Variants in FAM184B observed in about 807,000 individuals in gnomAD.
FAM184B encodes the protein family with sequence similarity 184 member B, also known as protein FAM184B.
In FAM184B, 111 loss-of-function variants were observed where a neutral mutation model predicts 135.9. That is an observed-to-expected ratio of 0.82 (90% CI 0.70 to 0.96). The LOEUF is 0.96. Among genes scored for constraint, FAM184B ranks in the 40% least tolerant of loss-of-function variants. The probability of loss-of-function intolerance (pLI) is 0.00; values close to 1 mark genes in which losing one functional copy is unlikely to be tolerated. For synonymous variants in FAM184B, 552 were observed against 524.8 expected (o/e 1.05, Z -0.71); for missense variants, 1,375 against 1,323.9 (o/e 1.04, Z -0.60).
rs551360773 is a variant in FAM184B, at chr4:17,733,138, C to A, written c.142-23494G>T. Among the ~76,000 whole-genome samples, 5 of 151,536 alleles carry A rather than the reference C, an allele frequency of 3.3e-5. No individual in the cohort carries two copies. The East Asian group carries it at 9.7e-4, about 29-fold the overall frequency. ...AAGGCCTTTGACAAAATTCAACAAC[C>A]CTTCATGCTAAAAACTCTCAATAAA... On this transcript the variant is annotated intron_variant, in intron 1 of 17. Transcript: ENST00000265018.
Position 17,639,031 on chromosome 4 carries a change from G to A in FAM184B, c.2666+219C>T, listed in dbSNP as rs4698640. ...GTATTTTCAGTAGAGATGGGGTTTC[G>A]CCATGTTGGCCAGGCTGGTCTCCAT... On this transcript the variant is annotated intron_variant, in intron 14 of 17. Coordinates refer to ENST00000265018, the MANE Select transcript of FAM184B (RefSeq NM_015688.2). 0.51 allele frequency among the ~76,000 whole-genome samples: 77,725 copies of A among 151,886 alleles called. 22,952 individuals are homozygous for A. The highest frequency in any genetic ancestry group is 0.88 in the East Asian group (4,532 of 5,152).
chr4:17,729,606 A>G lies in FAM184B; in HGVS notation c.142-19962T>C, dbSNP rs556474808. On this transcript the variant is annotated intron_variant, in intron 1 of 17. Transcript: ENST00000265018. ...GCGGTTCACCAAGATCTGCTGTTCTACAGCCACCGCTGTTCTGCAGCCACT... is the reference window on the plus strand; with the variant it reads ...GCGGTTCACCAAGATCTGCTGTTCTGCAGCCACCGCTGTTCTGCAGCCACT... Among the ~76,000 whole-genome samples the G allele has an allele frequency of 2.4e-3, 371 of 152,328 alleles. 6 individuals carry two copies. The highest frequency in any genetic ancestry group is 1.9e-3 in the East Asian group (10 of 5,184).
intron 11 of FAM184B, among the ~76,000 whole-genome samples, chr4:17,648,791 T>C (rs1440127986): frequency 6.6e-6 from 1 of 152,148 alleles, no homozygotes. Context: ...GAGAGATGTG[T>C]ACGTTCTCTT....
At chr4:17,776,051 A>G (rs1718919265) in intron 1 of FAM184B, among the ~76,000 whole-genome samples, 1 of 152,162 alleles carries the variant, frequency 6.6e-6, no homozygotes, top group Non-Finnish European at 1.5e-5. Flanking sequence ...ATAGTAAACA[A>G]ATAAATAAGG....
At chr4:17,727,476 T>C (rs1208171395) in intron 1 of FAM184B, among the ~76,000 whole-genome samples, 1 of 152,216 alleles carries the variant, frequency 6.6e-6, no homozygotes, top group Non-Finnish European at 1.5e-5. Flanking sequence ...GACTGGGTAA[T>C]TTATAAACAA....
intron 1 of FAM184B, among the ~76,000 whole-genome samples, chr4:17,728,693 G>A (rs1016978680): frequency 3.3e-5 from 5 of 152,124 alleles, no homozygotes; most frequent in Non-Finnish European, 7.3e-5. Flanking sequence ...CTCAGAGGTG[G>A]TATTTCAGCA....
chr4:17,724,823 T>A (rs1372142508), intron 1 of FAM184B, among the ~76,000 whole-genome samples: 2 of 152,212 alleles, frequency 1.3e-5, no homozygotes, highest in Non-Finnish European at 1.5e-5. Flanking sequence ...CTGTCCTGCC[T>A]AAATATTTCT....
At chr4:17,746,455 G>T (rs919059398) in intron 1 of FAM184B, among the ~76,000 whole-genome samples, 2 of 152,008 alleles carry the variant, frequency 1.3e-5, no homozygotes, top group Non-Finnish European at 2.9e-5. Flanking sequence ...CTTTGGCAGG[G>T]CGCGGTGGCT....
intron 1 of FAM184B, among the ~76,000 whole-genome samples, chr4:17,716,379 A>G (rs1218622180): frequency 6.6e-6 from 1 of 151,942 alleles, no homozygotes; most frequent in East Asian, 1.9e-4. Flanking sequence ...CAGGGTCTCT[A>G]TGTCCCAGGC....
At chr4:17,637,609 G>A (rs1388302205) in intron 14 of FAM184B, among the ~76,000 whole-genome samples, 3 of 152,216 alleles carry the variant, frequency 2.0e-5, no homozygotes, top group Non-Finnish European at 2.9e-5. Flanking sequence ...GTAAGTGCCC[G>A]TTAGACTGTA....
Position 17,781,419 on chromosome 4 carries a change from C to T in FAM184B, c.-120G>A, listed in dbSNP as rs1286735519. ...CTCGGGAGAGGTGGCACTGCAGTCC[C>T]GTCGCCTGCACCGCCGCGTGGCCCC... On this transcript the variant is annotated 5_prime_UTR_variant, in exon 1 of 18. Coordinates refer to ENST00000265018, the MANE Select transcript of FAM184B (RefSeq NM_015688.2). The surrounding 1 kb of genome is among the most constrained non-coding windows in gnomAD (Gnocchi z 6.5). The T allele has an allele frequency of 1.1e-5, 13 of 1,236,308 alleles. No homozygotes were observed. Among genetic ancestry groups the T allele is most frequent in the Non-Finnish European group, 1.4e-5 (13 of 948,122 alleles). 76.6% of individuals were successfully genotyped at this position (1,236,308 alleles called of 1,614,324 possible). A position where few individuals can be genotyped will look rare whatever the true frequency, so the allele number is the denominator to read the frequency against.
At position 17,705,126 on chromosome 4, in the gene FAM184B, T is replaced by C; in HGVS notation, c.1251A>G (p.Thr417=). The change falls in exon 5 of 18, where the codon ACA becomes ACG. Residue 417 remains threonine (T), a synonymous_variant. Coordinates refer to ENST00000265018, the MANE Select transcript of FAM184B (RefSeq NM_015688.2). The part of the protein sequence containing the change: ...EEDLRKIKHQ[T]EEEKKHLKDQ... ...CTTTGAGATGTTTCTTCTCCTCTTCTGTCTGATGTTTGATTTTACGAAGGT... is the reference window on the plus strand; with the variant it reads ...CTTTGAGATGTTTCTTCTCCTCTTCCGTCTGATGTTTGATTTTACGAAGGT... 4 of 1,551,822 alleles carry C rather than the reference T, an allele frequency of 2.6e-6. No homozygotes were observed. Among genetic ancestry groups the C allele is most frequent in the Non-Finnish European group, 3.5e-6 (4 of 1,147,006 alleles).
intron 3 of FAM184B, 118 bp from the exon 4 acceptor site, chr4:17,706,009 G>A: frequency 7.6e-7 from 1 of 1,314,776 alleles, no homozygotes; most frequent in South Asian, 1.4e-5. Flanking sequence ...CATCCCCTGT[G>A]TAATTCCTGC....
chr4:17,742,195 A>G lies in FAM184B; in HGVS notation c.142-32551T>C, dbSNP rs144793402. On this transcript the variant is annotated intron_variant, in intron 1 of 17. Coordinates refer to ENST00000265018, the MANE Select transcript of FAM184B (RefSeq NM_015688.2). Reference sequence around the variant, plus strand: ...TTTTTTTTTTTAAAGAGGCTGGCCAAGGTGGTTCATGTCTGTAATCGCAGC... The same window carrying G: ...TTTTTTTTTTTAAAGAGGCTGGCCAGGGTGGTTCATGTCTGTAATCGCAGC... Among the ~76,000 whole-genome samples the G allele has an allele frequency of 5.2e-3, 760 of 147,298 alleles. 10 individuals carry two copies. Among genetic ancestry groups the G allele is most frequent in the African/African-American group, 0.018 (719 of 39,818 alleles).
At position 17,709,579 on chromosome 4, in the gene FAM184B, C is replaced by G. The variant is rs1011369904; in HGVS notation, c.207G>C (p.Ala69=). The G allele has an allele frequency of 1.3e-5, 20 of 1,547,938 alleles. No individual in the cohort carries two copies. Among genetic ancestry groups the G allele is most frequent in the Non-Finnish European group, 1.7e-5 (20 of 1,146,092 alleles). ...AEASMEALRE[A]HQEELQNAVA... The stretch of plus-strand genomic sequence containing the variant: ...CCGCATTCTGGAGCTCCTCCTGGTG[C>G]GCTTCCCGCAGCGCCTCCATGCTGG... Residue 69 remains alanine, a synonymous_variant, in exon 2 of 18, where the codon GCG becomes GCC. Coordinates refer to ENST00000265018, the MANE Select transcript of FAM184B (RefSeq NM_015688.2).
intron 5 of FAM184B, among the ~76,000 whole-genome samples, chr4:17,703,370 C>T (rs1011846241): frequency 5.9e-5 from 9 of 151,936 alleles, no homozygotes; most frequent in East Asian, 1.9e-4. Flanking sequence ...TGGTAGCATG[C>T]ACCTGCAGCC....
intron 1 of FAM184B, among the ~76,000 whole-genome samples, chr4:17,711,549 G>A (rs571748692): frequency 2.0e-5 from 3 of 151,726 alleles, no homozygotes; most frequent in Admixed American, 2.0e-4. Flanking sequence ...TGTGGTCTCA[G>A]TTACTTGGGA....
intron 5 of FAM184B, among the ~76,000 whole-genome samples, chr4:17,704,519 G>A (rs2074975): frequency 0.71 from 108,080 of 152,134 alleles, 39,160 homozygotes; most frequent in Non-Finnish European, 0.79. Flanking sequence ...TGCTATTATT[G>A]TCATCCTCCA....
intron 5 of FAM184B, among the ~76,000 whole-genome samples, chr4:17,700,920 A>G (rs935297663): frequency 6.6e-6 from 1 of 152,058 alleles, no homozygotes; most frequent in Non-Finnish European, 1.5e-5. Flanking sequence ...AGAAATATGA[A>G]AAAAAAATCT....
Sources: allele counts gnomAD v4.1 joint callset (sites outside exome capture counted in the v4.1 genomes callset), GRCh38; gene constraint gnomAD v4.1.1; non-coding constraint Gnocchi (gnomAD v3.1); transcripts MANE v1.5; gene names NCBI Gene and HGNC (gene_info 2026-07-23, HGNC 2026-07-21).